CEBPZ: variants seen among roughly 807,000 people sequenced by gnomAD.
CEBPZ encodes CCAAT enhancer binding protein zeta, also known as CCAAT/enhancer-binding protein zeta.
A neutral mutation model predicts 104.5 loss-of-function variants in CEBPZ; 78 were observed. The observed-to-expected ratio is 0.75, with a 90% CI of 0.62 to 0.90. The LOEUF is 0.90. CEBPZ is among the 40% of genes least tolerant of loss of function. The pLI, the probability that CEBPZ is intolerant of heterozygous loss-of-function variation, is 0.00. For missense variants in CEBPZ, 1,439 were observed against 1,233.5 expected (o/e 1.17, Z -2.50); for synonymous variants, 470 against 427.0 (o/e 1.10, Z -1.24).
chr2:37,210,180 A>G (rs1443031273), intron 13 of CEBPZ: 1 of 152,206 alleles, frequency 6.6e-6, no homozygotes, highest in Non-Finnish European at 1.5e-5. Flanking sequence ...TGCTGGTGGG[A>G]ATGTAAACTA....
At chr2:37,205,964 T>G (rs537096433) in intron 13 of CEBPZ, among the ~76,000 whole-genome samples, 4 of 152,202 alleles carry the variant, frequency 2.6e-5, no homozygotes, top group Non-Finnish European at 5.9e-5. Flanking sequence ...AAGAAAAAGA[T>G]AACAGGTGTC....
chr2:37,215,740 G>C (rs1677851652), intron 8 of CEBPZ, among the ~76,000 whole-genome samples: 1 of 152,102 alleles, frequency 6.6e-6, no homozygotes, highest in Admixed American at 6.5e-5. Context: ...GACAAAACCA[G>C]CTGTGGGTTT....
At chr2:37,206,903 G>T (rs1042586322) in intron 13 of CEBPZ, among the ~76,000 whole-genome samples, 2 of 152,128 alleles carry the variant, frequency 1.3e-5, no homozygotes. Context: ...CTGTGTTCAG[G>T]AGACTCACGT....
At chr2:37,229,065 A>C (rs1451551271) in intron 1 of CEBPZ, 29 bp from the exon 2 acceptor site, 1 of 1,415,724 alleles carries the variant, frequency 7.1e-7, no homozygotes, top group Middle Eastern at 1.9e-4. Context: ...TTAAAAATAC[A>C]TTACAAATGT....
At chr2:37,219,334 A>G (rs1373824103) in intron 5 of CEBPZ, among the ~76,000 whole-genome samples, 4 of 152,002 alleles carry the variant, frequency 2.6e-5, no homozygotes, top group Admixed American at 2.6e-4. Flanking sequence ...CTAAAAAGAC[A>G]TGTTACTTTA....
At position 37,222,367 on chromosome 2, in the gene CEBPZ, G is replaced by A. The variant is rs936799295; in HGVS notation, c.2065+13C>T. 1.3e-6 allele frequency: 2 copies of A among 1,562,438 alleles called. No individual in the cohort carries two copies. The highest frequency in any genetic ancestry group is 1.4e-5 in the African/African-American group (1 of 72,038). On this transcript the variant is annotated intron_variant, in intron 4 of 15. Transcript: ENST00000234170. ...AACAAACTCCCTAGAGAATAAAGAT[G>A]AAAAAAACTCACCTTTCAAATTATC...
At chr2:37,216,119 C>A (rs551071308) in intron 8 of CEBPZ, 21 bp downstream of exon 8, 2 of 1,556,904 alleles carry the variant, frequency 1.3e-6, no homozygotes, top group African/African-American at 1.4e-5. Context: ...TCAGTTTCAA[C>A]TGTCTAAGGT....
chr2:37,201,615 ATAAAT>A lies in CEBPZ; in HGVS notation c.*144_*148del. On this transcript the variant is annotated 3_prime_UTR_variant, in exon 16 of 16. Coordinates refer to ENST00000234170, the MANE Select transcript of CEBPZ (RefSeq NM_005760.3). The stretch of plus-strand genomic sequence containing the variant: ...TTTAACAATGCTTCCACATGACTTT[ATAAAT>A]GAGAGCTATTTTTATTTATAGTTTA... The A allele has an allele frequency of 1.4e-6, 1 of 693,380 alleles. No individual in the cohort carries two copies. The highest frequency in any genetic ancestry group is 2.6e-6 in the Non-Finnish European group (1 of 386,970). 43.0% of individuals were successfully genotyped at this position (693,380 alleles called of 1,614,324 possible).
At chr2:37,220,575 A>G (rs762755454) in intron 4 of CEBPZ, 102 bp from the exon 5 acceptor site, 46 of 480,372 alleles carry the variant, frequency 9.6e-5, no homozygotes, top group Non-Finnish European at 1.6e-4. Flanking sequence ...TATCTCCAAC[A>G]TTCTTACTTA....
chr2:37,212,401 CA>C lies in CEBPZ; in HGVS notation c.2546-10del. 6.2e-7 allele frequency: 1 copy of C among 1,610,340 alleles called. No homozygotes were observed. The highest frequency in any genetic ancestry group is 8.5e-7 in the Non-Finnish European group (1 of 1,177,330). The stretch of plus-strand genomic sequence containing the variant: ...ATCATCTTCAAATGTGTCTGCCAGA[CA>C]ATACAGAAATGTGAGATACAACAAA... On this transcript the variant is annotated splice_polypyrimidine_tract_variant and intron_variant, in intron 10 of 15. Transcript: ENST00000234170.
At chr2:37,231,382 A>G (rs752695770) in intron 1 of CEBPZ, 30 bp downstream of exon 1, 1 of 1,613,180 alleles carries the variant, frequency 6.2e-7, no homozygotes, top group South Asian at 1.1e-5. Flanking sequence ...TCCACGCCTG[A>G]TCCCGTTCCC....
Position 37,223,349 on chromosome 2 carries a change from T to TAAGAA in CEBPZ, c.1697_1701dup (p.Asn568PhefsTer9). On this transcript the variant is annotated frameshift_variant, in exon 3 of 16. Coordinates refer to ENST00000234170, the MANE Select transcript of CEBPZ (RefSeq NM_005760.3). LOFTEE classifies it high-confidence loss of function. ...GCTTTCAGAGATTTGTAGACAAGGT[T>TAAGAA]AAGAAACATAGCTTGCTTGGAACAC... is the stretch of plus-strand genomic sequence containing the variant. 6.2e-7 allele frequency: 1 copy of TAAGAA among 1,614,172 alleles called. No individual in the cohort carries two copies. The highest frequency in any genetic ancestry group is 8.5e-7 in the Non-Finnish European group (1 of 1,180,022).
rs1664924842 is a variant in CEBPZ at position 37,227,717 on chromosome 2, C to T, written c.1476G>A (p.Arg492=). ...MLSALLTGVN[R]AYPYSQTGDD... ...CACCAGTCTGGGAATAAGGGTATGC[C>T]CTATTCACACCTGTTAAAAGGGCGC... The change falls in exon 2 of 16, where the codon AGG becomes AGA. Residue 492 remains arginine, a synonymous_variant. Transcript: ENST00000234170. 5 of 1,613,952 alleles carry T rather than the reference C, an allele frequency of 3.1e-6. No individual in the cohort carries two copies. Among genetic ancestry groups the T allele is most frequent in the Non-Finnish European group, 4.2e-6 (5 of 1,180,030 alleles).
At chr2:37,202,380 C>T (rs1339847241) in intron 15 of CEBPZ, 2 of 164,548 alleles carry the variant, frequency 1.2e-5, no homozygotes, top group East Asian at 1.7e-4. Flanking sequence ...CATGGTGGCT[C>T]ACACCAGTAA....
Position 37,228,581 on chromosome 2 carries a change from C to G in CEBPZ, c.612G>C (p.Lys204Asn). The G allele has an allele frequency of 2.5e-6, 4 of 1,614,164 alleles. No individual in the cohort carries two copies. The highest frequency in any genetic ancestry group is 3.4e-6 in the Non-Finnish European group (4 of 1,180,032). The change falls in exon 2 of 16, where the codon AAG becomes AAC. Residue 204 changes from lysine (K) to asparagine (N), a missense_variant. Transcript: ENST00000234170. Reference protein sequence around the residue: ...LKPQPQDVVSKYKTLAQKLYQ... With the variant: ...LKPQPQDVVSNYKTLAQKLYQ... ...ACAGCTTCTGAGCAAGGGTTTTGTA[C>G]TTAGATACAACATCCTGAGGCTGGG...
intron 4 of CEBPZ, 72 bp from the exon 5 acceptor site, chr2:37,220,545 C>A (rs1664748050): frequency 8.5e-6 from 6 of 705,174 alleles, no homozygotes; most frequent in South Asian, 4.0e-5. Context: ...AAAAGCACCA[C>A]CATTAATATT....
intron 15 of CEBPZ, 93 bp from the exon 16 acceptor site, chr2:37,201,996 C>G: frequency 8.3e-7 from 1 of 1,200,920 alleles, no homozygotes; most frequent in Non-Finnish European, 1.2e-6. Flanking sequence ...GAACTTCTAG[C>G]CTGCCTTGGC....
chr2:37,216,465 A>G (rs1161454331), intron 6 of CEBPZ, 47 bp from the exon 7 acceptor site: 5 of 1,324,540 alleles, frequency 3.8e-6, no homozygotes, highest in African/African-American at 1.5e-5. Flanking sequence ...AATTATGTCT[A>G]TGAATCCAAG....
chr2:37,203,321 T>C (rs1382792893), intron 13 of CEBPZ: 1 of 180,560 alleles, frequency 5.5e-6, no homozygotes, highest in Non-Finnish European at 1.1e-5. Flanking sequence ...AATTATCAGT[T>C]TGACATGGAT....
Sources: allele counts gnomAD v4.1 joint callset (sites outside exome capture counted in the v4.1 genomes callset), GRCh38; gene constraint gnomAD v4.1.1; transcripts MANE v1.5; gene names NCBI Gene and HGNC (gene_info 2026-07-23, HGNC 2026-07-21).